The following PAK5 variants were observed in gnomAD, a reference collection of about 807,000 sequenced individuals.
PAK5 encodes the protein p21 (RAC1) activated kinase 5, also known as serine/threonine-protein kinase PAK 5.
In PAK5, 16 loss-of-function variants were observed where a neutral mutation model predicts 65.9. The ratio of observed to expected loss-of-function variants is 0.24; its 90% confidence interval spans 0.16 to 0.37. The LOEUF is 0.37. PAK5 is among the 10% of genes least tolerant of loss of function. PAK5 has a pLI of 1.00. For synonymous variants in PAK5, 371 were observed against 354.9 expected (o/e 1.05, Z -0.51); for missense variants, 785 against 903.9 (o/e 0.87, Z 1.69).
intron 1 of PAK5, among the ~76,000 whole-genome samples, chr20:9,810,305 G>T (rs1281922630): frequency 6.6e-6 from 1 of 152,230 alleles, no homozygotes; most frequent in Admixed American, 6.5e-5. Flanking sequence ...AGCCGTTGTG[G>T]CTCATGCCTG....
intron 3 of PAK5, among the ~76,000 whole-genome samples, chr20:9,609,890 A>T (rs1240076418): frequency 6.6e-6 from 1 of 152,128 alleles, no homozygotes; most frequent in Non-Finnish European, 1.5e-5. Flanking sequence ...GATATGTAAC[A>T]CTCTAAATCC....
intron 1 of PAK5, among the ~76,000 whole-genome samples, chr20:9,776,761 A>G (rs903936719): frequency 1.3e-5 from 2 of 152,130 alleles, no homozygotes; most frequent in African/African-American, 4.8e-5. Flanking sequence ...CCCCAGTTAA[A>G]TCTTCAGATG....
chr20:9,794,665 C>T (rs1315766887), intron 1 of PAK5, among the ~76,000 whole-genome samples: 1 of 152,006 alleles, frequency 6.6e-6, no homozygotes, highest in African/African-American at 2.4e-5. Flanking sequence ...GAAATGAGAA[C>T]ATCAAGGAAT....
intron 1 of PAK5, among the ~76,000 whole-genome samples, chr20:9,722,341 C>A (rs1206507870): frequency 6.6e-6 from 1 of 152,152 alleles, no homozygotes; most frequent in African/African-American, 2.4e-5. Flanking sequence ...AAGGCAAGGC[C>A]GGGCGTCGTG....
chr20:9,647,667 A>G (rs1203438596), intron 2 of PAK5, among the ~76,000 whole-genome samples: 1 of 152,208 alleles, frequency 6.6e-6, no homozygotes. Flanking sequence ...ATCTACCTAC[A>G]CTGCATTGTG....
At chr20:9,725,953 A>G (rs960413030) in intron 1 of PAK5, among the ~76,000 whole-genome samples, 3 of 152,156 alleles carry the variant, frequency 2.0e-5, no homozygotes, top group Admixed American at 2.0e-4. Flanking sequence ...AAAAAAATTA[A>G]TTTGACATCC....
At chr20:9,630,299 A>C (rs1038459720) in intron 3 of PAK5, among the ~76,000 whole-genome samples, 1 of 152,140 alleles carries the variant, frequency 6.6e-6, no homozygotes, top group East Asian at 1.9e-4. Flanking sequence ...TTAGAAACTT[A>C]GAAAGATCAA....
At chr20:9,557,482 A>G in intron 7 of PAK5, 126 bp downstream of exon 7, 1 of 701,524 alleles carries the variant, frequency 1.4e-6, no homozygotes, top group Non-Finnish European at 2.3e-6. Context: ...GTGTTCTGGG[A>G]AGAGAAGTAG....
intron 7 of PAK5, among the ~76,000 whole-genome samples, chr20:9,553,199 G>T (rs1235474545): frequency 6.6e-6 from 1 of 152,156 alleles, no homozygotes; most frequent in African/African-American, 2.4e-5. Flanking sequence ...AACTCATTGT[G>T]TGTGTAGTGT....
At chr20:9,785,009 C>T (rs539387418) in intron 1 of PAK5, among the ~76,000 whole-genome samples, 4 of 151,616 alleles carry the variant, frequency 2.6e-5, no homozygotes, top group South Asian at 2.1e-4. Flanking sequence ...TTCAGTAAGC[C>T]GTCATATTAT....
chr20:9,820,067 T>C (rs2049401867), intron 1 of PAK5, among the ~76,000 whole-genome samples: 1 of 152,204 alleles, frequency 6.6e-6, no homozygotes, highest in Non-Finnish European at 1.5e-5. Flanking sequence ...GCTTCTGCTA[T>C]ACAGGTCAAC....
At chr20:9,810,060 A>C (rs1204636734) in intron 1 of PAK5, among the ~76,000 whole-genome samples, 2 of 151,976 alleles carry the variant, frequency 1.3e-5, no homozygotes, top group Non-Finnish European at 2.9e-5. Context: ...TATTTTTGTC[A>C]GAGTTAAGTC....
intron 1 of PAK5, among the ~76,000 whole-genome samples, chr20:9,739,757 T>C (rs1420791453): frequency 2.6e-5 from 4 of 152,100 alleles, no homozygotes; most frequent in Admixed American, 6.6e-5. Context: ...GACTGGAGGA[T>C]AGAAGGGAAG....
chr20:9,822,917 C>T (rs1055848764), intron 1 of PAK5, among the ~76,000 whole-genome samples: 1 of 152,180 alleles, frequency 6.6e-6, no homozygotes, highest in African/African-American at 2.4e-5. Context: ...GAGTTTTATA[C>T]CATTTCCCAG....
intron 4 of PAK5, among the ~76,000 whole-genome samples, chr20:9,574,918 C>T (rs977299148): frequency 6.6e-6 from 1 of 152,190 alleles, no homozygotes; most frequent in African/African-American, 2.4e-5. Context: ...ACCCATTAAA[C>T]CCTGAATGGA....
chr20:9,646,805 G>C (rs1335969884), intron 2 of PAK5, among the ~76,000 whole-genome samples: 3 of 152,190 alleles, frequency 2.0e-5, no homozygotes, highest in Non-Finnish European at 1.5e-5. Context: ...AACAAAGCCA[G>C]CCTATCCTGC....
At chr20:9,767,820 C>T (rs2048786520) in intron 1 of PAK5, among the ~76,000 whole-genome samples, 1 of 152,150 alleles carries the variant, frequency 6.6e-6, no homozygotes, top group African/African-American at 2.4e-5. Context: ...TTGTTCTAAA[C>T]ACTTCCATGA....
chr20:9,764,105 T>G (rs187690156), intron 1 of PAK5, among the ~76,000 whole-genome samples: 71 of 152,322 alleles, frequency 4.7e-4, no homozygotes, highest in Non-Finnish European at 9.6e-4. Flanking sequence ...ATGTCCTTTA[T>G]AGTTTCATTT....
chr20:9,678,363 C>T (rs2047603845), intron 2 of PAK5, among the ~76,000 whole-genome samples: 1 of 152,166 alleles, frequency 6.6e-6, no homozygotes, highest in Non-Finnish European at 1.5e-5. Flanking sequence ...GTCAGGAGAG[C>T]AAGACCATCC....
Sources: gnomAD v4.1 joint callset for allele counts (sites outside exome capture counted in the v4.1 genomes callset) on GRCh38, gnomAD v4.1.1 for gene constraint, MANE v1.5 for transcripts, NCBI Gene and HGNC (gene_info 2026-07-23, HGNC 2026-07-21) for gene names.